The following LRCH1 variants were observed in gnomAD, a reference collection of about 807,000 sequenced individuals.
The protein encoded by LRCH1 is leucine rich repeats and calponin homology domain containing 1, also known as leucine-rich repeat and calponin homology domain-containing protein 1.
LRCH1 carries 23 observed loss-of-function variants against 94.9 expected under a neutral mutation model. The observed-to-expected ratio is 0.24, with a 90% CI of 0.17 to 0.34. LRCH1 has a LOEUF of 0.34. LRCH1 is among the 10% of genes least tolerant of loss of function. The pLI, the probability that LRCH1 is intolerant of heterozygous loss-of-function variation, is 1.00. For synonymous variants in LRCH1, 364 were observed against 354.9 expected (o/e 1.03, Z -0.29); for missense variants, 790 against 945.9 (o/e 0.84, Z 2.16).
At chr13:46,583,787 G>A (rs1289210432) in intron 1 of LRCH1, among the ~76,000 whole-genome samples, 3 of 147,542 alleles carry the variant, frequency 2.0e-5, no homozygotes, top group African/African-American at 5.0e-5. Context: ...TTGAGACAGT[G>A]TGTCACTGTG....
At chr13:46,595,577 A>G (rs2050552675) in intron 1 of LRCH1, among the ~76,000 whole-genome samples, 1 of 152,264 alleles carries the variant, frequency 6.6e-6, no homozygotes, top group African/African-American at 2.4e-5. Flanking sequence ...CTGAAGCCAC[A>G]TCTGCACTTT....
intron 2 of LRCH1, among the ~76,000 whole-genome samples, chr13:46,666,237 A>G (rs770445334): frequency 6.6e-6 from 1 of 152,242 alleles, no homozygotes; most frequent in Non-Finnish European, 1.5e-5. Context: ...TAGTGTAAAA[A>G]GCATCCGTTC....
intron 1 of LRCH1, among the ~76,000 whole-genome samples, chr13:46,574,830 T>G (rs1201587879): frequency 2.0e-5 from 3 of 150,292 alleles, no homozygotes; most frequent in South Asian, 2.1e-4. Flanking sequence ...GGGTTTTTTT[T>G]TTTTTTTTTT....
chr13:46,680,943 G>A (rs2051742279), intron 3 of LRCH1, among the ~76,000 whole-genome samples: 1 of 152,170 alleles, frequency 6.6e-6, no homozygotes, highest in Admixed American at 6.5e-5. Flanking sequence ...GAGTAGCTGG[G>A]GGTGTGTGGG....
chr13:46,700,617 T>C (rs1871413508), intron 10 of LRCH1, among the ~76,000 whole-genome samples: 1 of 152,214 alleles, frequency 6.6e-6, no homozygotes, highest in African/African-American at 2.4e-5. Context: ...CTTGGACATA[T>C]AGGGCCTGGC....
At chr13:46,585,996 G>T (rs950702523) in intron 1 of LRCH1, among the ~76,000 whole-genome samples, 42 of 152,014 alleles carry the variant, frequency 2.8e-4, no homozygotes, top group African/African-American at 8.5e-4. Flanking sequence ...ATGAGTATTG[G>T]GGAAAAATGC....
Position 46,692,429 on chromosome 13 carries a change from A to G in LRCH1, c.1015-107A>G, listed in dbSNP as rs967210061. 8.9e-5 allele frequency: 73 copies of G among 823,414 alleles called. No individual in the cohort carries two copies. In the African/African-American group the frequency reaches 1.2e-3, roughly 13 times the overall value. The allele number at this position is 823,414 out of a possible 1,614,324, so 51.0% of individuals were successfully genotyped here. ...CTTTGTATCTGGCAACTTATATTCA[A>G]TATGATATTTGTGAGAATCACAGGA... On this transcript the variant is annotated intron_variant, in intron 7 of 19. Coordinates refer to ENST00000389797, the MANE Select transcript of LRCH1 (RefSeq NM_001164211.2).
At chr13:46,598,408 C>T (rs1036917041) in intron 1 of LRCH1, among the ~76,000 whole-genome samples, 2 of 151,574 alleles carry the variant, frequency 1.3e-5, no homozygotes, top group Non-Finnish European at 2.9e-5. Context: ...GGGGAAAAGA[C>T]GCTTGCAGAT....
At chr13:46,718,906 A>T (rs1275015098) in intron 16 of LRCH1, among the ~76,000 whole-genome samples, 1 of 71,330 alleles carries the variant, frequency 1.4e-5, no homozygotes, top group African/African-American at 4.4e-5. Flanking sequence ...TATTTTTCAT[A>T]TGAAGATGCA....
At chr13:46,722,075 G>C (rs745445024) in intron 16 of LRCH1, among the ~76,000 whole-genome samples, 5 of 152,166 alleles carry the variant, frequency 3.3e-5, no homozygotes, top group African/African-American at 1.2e-4. Context: ...CTGAAATATT[G>C]AAATAGCTTC....
At chr13:46,615,974 C>T (rs1216181504) in intron 1 of LRCH1, among the ~76,000 whole-genome samples, 1 of 152,082 alleles carries the variant, frequency 6.6e-6, no homozygotes, top group Non-Finnish European at 1.5e-5. Context: ...CTTGTGGTTA[C>T]GATTTGTTAA....
chr13:46,727,706 T>C (rs1872890364), intron 17 of LRCH1, among the ~76,000 whole-genome samples: 1 of 152,082 alleles, frequency 6.6e-6, no homozygotes, highest in African/African-American at 2.4e-5. Context: ...CATCTTGACT[T>C]TGTCAATGTC....
At chr13:46,751,891 A>ATG in exon 19 of LRCH1, 1 of 152,346 alleles carries the variant, frequency 6.6e-6, no homozygotes, top group East Asian at 1.9e-4. Flanking sequence ...TGATTCTGAG[A>ATG]TGTGCTCATT....
chr13:46,666,713 TA>T (rs1566210769), intron 2 of LRCH1, among the ~76,000 whole-genome samples: 1 of 152,278 alleles, frequency 6.6e-6, no homozygotes, highest in African/African-American at 2.4e-5. Flanking sequence ...AAATATTTTA[TA>T]ACCACAAGTT....
intron 1 of LRCH1, among the ~76,000 whole-genome samples, chr13:46,576,169 T>G (rs552589566): frequency 6.6e-6 from 1 of 152,290 alleles, no homozygotes; most frequent in South Asian, 2.1e-4. Context: ...GCCGTGAGCC[T>G]TTTGTTCATG....
downstream of LRCH1, among the ~76,000 whole-genome samples, chr13:46,746,358 C>G (rs554439891): frequency 6.6e-6 from 1 of 152,282 alleles, no homozygotes; most frequent in African/African-American, 2.4e-5. Flanking sequence ...GGCTTGCCGT[C>G]TTTTCCAATG....
intron 1 of LRCH1, among the ~76,000 whole-genome samples, chr13:46,582,022 T>C (rs1171031578): frequency 3.3e-5 from 5 of 152,126 alleles, no homozygotes; most frequent in Admixed American, 6.5e-5. Context: ...TGCTGGTGTG[T>C]GCCTGTAGTC....
chr13:46,741,960 A>T lies in LRCH1; in HGVS notation c.*112A>T. On this transcript the variant is annotated 3_prime_UTR_variant, in exon 20 of 20. Transcript: ENST00000389797. Reference sequence around the variant, plus strand: ...TTCCATCCCTGTCATGTCTTCAGTTATCTCTCGAGTTTTGAAGCTGAACAG... The same window carrying T: ...TTCCATCCCTGTCATGTCTTCAGTTTTCTCTCGAGTTTTGAAGCTGAACAG... The T allele has an allele frequency of 6.4e-7, 1 of 1,552,916 alleles. No individual in the cohort carries two copies. The highest frequency in any genetic ancestry group is 8.7e-7 in the Non-Finnish European group (1 of 1,153,906).
chr13:46,714,786 AG>A (rs1872236765), intron 15 of LRCH1, among the ~76,000 whole-genome samples: 1 of 152,246 alleles, frequency 6.6e-6, no homozygotes, highest in Admixed American at 6.5e-5. Flanking sequence ...CAAAAATAAG[AG>A]TTGTTATCAT....
Sources: allele counts gnomAD v4.1 joint callset (sites outside exome capture counted in the v4.1 genomes callset), GRCh38; gene constraint gnomAD v4.1.1; transcripts MANE v1.5; gene names NCBI Gene and HGNC (gene_info 2026-07-23, HGNC 2026-07-21).